Variants in LARGE1 observed in about 807,000 individuals in gnomAD.
The protein encoded by LARGE1 is xylosyl- and glucuronyltransferase LARGE1.
Under a neutral mutation model 87.6 loss-of-function variants are expected in LARGE1, and 43 were observed. That is an observed-to-expected ratio of 0.49 (90% confidence interval 0.38 to 0.63). The LOEUF is 0.63. Among genes scored for constraint, LARGE1 ranks in the 30% least tolerant of loss-of-function variants. The pLI, the probability that LARGE1 is intolerant of heterozygous loss-of-function variation, is 0.00. For missense variants in LARGE1, 802 were observed against 1,000.2 expected (o/e 0.80, Z 2.67); for synonymous variants, 434 against 394.6 (o/e 1.10, Z -1.18).
chr22:33,312,928 G>C (rs1935763583), intron 11 of LARGE1, among the ~76,000 whole-genome samples: 1 of 152,136 alleles, frequency 6.6e-6, no homozygotes. Flanking sequence ...TTAGTGGTGG[G>C]GAGCCTAGGT....
intron 6 of LARGE1, among the ~76,000 whole-genome samples, chr22:33,461,804 G>A (rs2068394618): frequency 6.6e-6 from 1 of 151,956 alleles, no homozygotes; most frequent in African/African-American, 2.4e-5. Flanking sequence ...CCATGTTGTA[G>A]GGACACTCAG....
At chr22:33,351,176 C>A (rs1278021511) in intron 9 of LARGE1, among the ~76,000 whole-genome samples, 1 of 152,174 alleles carries the variant, frequency 6.6e-6, no homozygotes, top group African/African-American at 2.4e-5. Flanking sequence ...AGCAAGTGTG[C>A]AATTAATATC....
At chr22:33,679,448 T>C (rs1307548912) in intron 2 of LARGE1, among the ~76,000 whole-genome samples, 3 of 151,166 alleles carry the variant, frequency 2.0e-5, no homozygotes, top group African/African-American at 7.3e-5. Context: ...AAGGGGAAAT[T>C]TGGGGACAGA....
In LARGE1 at chr22:33,920,089, G is replaced by T. The variant is rs3210587; in HGVS notation, c.-177C>A. 1.3e-5 allele frequency: 2 copies of T among 152,046 alleles called. No homozygotes were observed. The highest frequency in any genetic ancestry group is 2.9e-5 in the Non-Finnish European group (2 of 68,042). 9.4% of individuals were successfully genotyped at this position (152,046 alleles called of 1,614,324 possible). A position where few individuals can be genotyped will look rare whatever the true frequency, so the allele number is the denominator to read the frequency against. On this transcript the variant is annotated 5_prime_UTR_variant, in exon 1 of 15. Transcript: ENST00000397394. The stretch of plus-strand genomic sequence containing the variant: ...ACGAGGCGCAGGGGGTCCGGGTCAG[G>T]GTCCCGGCAGGCGCTGCCCTACTCG...
intron 6 of LARGE1, among the ~76,000 whole-genome samples, chr22:33,542,937 C>T (rs944908655): frequency 3.9e-5 from 6 of 152,120 alleles, no homozygotes; most frequent in African/African-American, 1.2e-4. Context: ...AAGTCAAAGA[C>T]CTTAGAACCT....
intron 11 of LARGE1, among the ~76,000 whole-genome samples, chr22:33,191,573 T>C (rs534892345): frequency 6.6e-6 from 1 of 152,270 alleles, no homozygotes; most frequent in South Asian, 2.1e-4. Context: ...AGACCTCAGA[T>C]TCCTAGTCCG....
chr22:33,428,943 CAA>C (rs375368162), intron 7 of LARGE1, among the ~76,000 whole-genome samples: 4,205 of 76,932 alleles, frequency 0.055, 231 homozygotes, highest in African/African-American at 0.15. Flanking sequence ...AAAAAAGAAA[CAA>C]AAAAAAAAAA....
At chr22:33,089,321 T>TTTCTTCTTCTTCTTCTTC in the LARGE1 span, among the ~76,000 whole-genome samples, 629 of 87,046 alleles carry the variant, frequency 7.2e-3, 6 homozygotes, top group Admixed American at 0.018. Context: ...TTCTTTCTTC[T>TTTCTTCTTCTTCTTCTTC]TTCTTCTTCT....
At chr22:33,259,713 C>T (rs1271534417) in intron 11 of LARGE1, among the ~76,000 whole-genome samples, 2 of 152,146 alleles carry the variant, frequency 1.3e-5, no homozygotes, top group African/African-American at 4.8e-5. Context: ...CAAATGATGA[C>T]AATTCAATGG....
At chr22:33,719,089 G>A (rs2082999711) in intron 2 of LARGE1, among the ~76,000 whole-genome samples, 1 of 152,152 alleles carries the variant, frequency 6.6e-6, no homozygotes, top group African/African-American at 2.4e-5. Context: ...ACACCCGGCT[G>A]TATCTTTGTT....
intron 6 of LARGE1, among the ~76,000 whole-genome samples, chr22:33,432,677 T>C (rs1004587241): frequency 6.6e-6 from 1 of 152,150 alleles, no homozygotes; most frequent in Non-Finnish European, 1.5e-5. Context: ...AGCATTCCCA[T>C]TCTGGTATTT....
chr22:33,776,627 G>A (rs1478672657), intron 1 of LARGE1, among the ~76,000 whole-genome samples: 2 of 152,134 alleles, frequency 1.3e-5, no homozygotes, highest in Admixed American at 6.5e-5. Flanking sequence ...AACGGACGAC[G>A]TAAGCAGGCA....
rs575959524 is a variant in LARGE1, at chr22:33,604,646, C to T, written c.492-88G>A. ...AAAAACACACTCTTCACAGTTCCTA[C>T]GGTGGGGCACGTTTCTAACGGCAAT... On this transcript the variant is annotated intron_variant, in intron 4 of 14. Transcript: ENST00000397394. 9.5e-4 allele frequency: 1,450 copies of T among 1,528,586 alleles called. 28 individuals carry two copies. In the South Asian group the frequency reaches 0.014, roughly 15 times the overall value. The allele number at this position is 1,528,586 out of a possible 1,614,324, so 94.7% of individuals were successfully genotyped here. A position where few individuals can be genotyped will look rare whatever the true frequency, so the allele number is the denominator to read the frequency against.
intron 2 of LARGE1, chr22:33,704,669 A>G (rs944679692): frequency 6.6e-6 from 1 of 152,434 alleles, no homozygotes; most frequent in African/African-American, 2.4e-5. Context: ...TACACACAGA[A>G]AAGCACTGAA....
At chr22:33,822,662 C>T (rs2086860912) in intron 1 of LARGE1, among the ~76,000 whole-genome samples, 1 of 152,260 alleles carries the variant, frequency 6.6e-6, no homozygotes, top group Admixed American at 6.5e-5. Flanking sequence ...CACGCCACTG[C>T]ATTCCAGCCT....
chr22:33,452,616 A>G (rs2067976701), intron 6 of LARGE1, among the ~76,000 whole-genome samples: 1 of 152,210 alleles, frequency 6.6e-6, no homozygotes, highest in African/African-American at 2.4e-5. Context: ...GCTCAAGGCC[A>G]CTTGAGAATG....
At chr22:33,190,486 A>G (rs980593452) in intron 11 of LARGE1, among the ~76,000 whole-genome samples, 13 of 152,320 alleles carry the variant, frequency 8.5e-5, no homozygotes, top group East Asian at 3.9e-4. Context: ...TATGGATGCC[A>G]TTCCTCATAA....
chr22:33,206,667 C>A (rs1924702550), intron 11 of LARGE1, among the ~76,000 whole-genome samples: 1 of 152,194 alleles, frequency 6.6e-6, no homozygotes, highest in African/African-American at 2.4e-5. Context: ...TAGGTCTCTG[C>A]TCCTCCATAG....
chr22:33,241,007 T>G (rs1456214694), intron 11 of LARGE1, among the ~76,000 whole-genome samples: 1 of 152,198 alleles, frequency 6.6e-6, no homozygotes, highest in Non-Finnish European at 1.5e-5. Flanking sequence ...GGAGTGCTGC[T>G]CAGTCTATCT....
Sources: gnomAD v4.1 joint callset for allele counts (sites outside exome capture counted in the v4.1 genomes callset) on GRCh38, gnomAD v4.1.1 for gene constraint, MANE v1.5 for transcripts, NCBI Gene and HGNC (gene_info 2026-07-23, HGNC 2026-07-21) for gene names.